Variants in PUDP observed in about 807,000 individuals in gnomAD.
PUDP encodes pseudouridine 5'-phosphatase, also known as pseudouridine-5'-phosphatase.
A neutral mutation model predicts 9.4 loss-of-function variants in PUDP; 8 were observed. That is an observed-to-expected ratio of 0.85 (90% CI 0.50 to 1.53). The LOEUF (loss-of-function observed/expected upper bound fraction) is 1.53, where lower values mean the gene tolerates loss of function less well. Among genes scored for constraint, PUDP ranks in the 40% most tolerant of loss-of-function variants. The probability of loss-of-function intolerance (pLI) is 0.00; values close to 1 mark genes in which losing one functional copy is unlikely to be tolerated. For missense variants in PUDP, 188 were observed against 189.7 expected (o/e 0.99, Z 0.05); for synonymous variants, 99 against 80.7 (o/e 1.23, Z -1.22).
At chrX:6,942,497 T>C (rs1437063485) in intron 3 of PUDP, among the ~76,000 whole-genome samples, 1 of 111,853 alleles carries the variant, frequency 8.9e-6, no homozygotes, top group African/African-American at 3.3e-5. Context: ...CTGCATTTGC[T>C]GCTTCTTAAT....
rs181248130 is a variant in PUDP, at chrX:6,750,193, G to A, written c.*248-43727C>T. Among the ~76,000 whole-genome samples, 19 of 111,810 alleles carry A rather than the reference G, an allele frequency of 1.7e-4. No individual in the cohort carries two copies. The East Asian group carries it at 5.3e-3, about 31-fold the overall frequency. On this transcript the variant is annotated intron_variant and NMD_transcript_variant, in intron 3 of 3. Coordinates refer to the PUDP transcript ENST00000655425. ...CGTTCATGTTCAAAAGGCTGGATCT[G>A]CATTTCAAATATATAAAATCTCACA...
chrX:6,924,567 T>C (rs1928072932), intron 3 of PUDP, among the ~76,000 whole-genome samples: 1 of 112,209 alleles, frequency 8.9e-6, no homozygotes, highest in African/African-American at 3.2e-5. Context: ...CATAGACACC[T>C]TATATGCAGA....
intron 3 of PUDP, among the ~76,000 whole-genome samples, chrX:6,904,989 G>A (rs1927746554): frequency 8.9e-6 from 1 of 112,000 alleles, no homozygotes; most frequent in Non-Finnish European, 1.9e-5. Flanking sequence ...GATCCTCATG[G>A]TCAATGCCTG....
At chrX:6,806,907 A>G (rs893883528) in intron 3 of PUDP, among the ~76,000 whole-genome samples, 33 of 112,468 alleles carry the variant, frequency 2.9e-4, no homozygotes, top group African/African-American at 1.0e-3. Flanking sequence ...CTCAAGAGAG[A>G]TATGAATATA....
chrX:7,094,966 TC>T (rs764732578), intron 2 of PUDP, among the ~76,000 whole-genome samples: 207 of 111,741 alleles, frequency 1.9e-3, no homozygotes, highest in Non-Finnish European at 3.4e-3. Flanking sequence ...CGACTGAGAA[TC>T]AGCTGAGTGC....
intron 3 of PUDP, among the ~76,000 whole-genome samples, chrX:6,735,286 AG>A (rs1246542025): frequency 2.7e-5 from 3 of 111,074 alleles, no homozygotes; most frequent in Admixed American, 9.6e-5. Context: ...TGTTGGGCTG[AG>A]ACCATCTACA....
At chrX:7,134,938 A>T (rs1343590528) in intron 1 of PUDP, among the ~76,000 whole-genome samples, 1 of 112,461 alleles carries the variant, frequency 8.9e-6, no homozygotes, top group Admixed American at 9.5e-5. Flanking sequence ...TCCTTTTAAA[A>T]AGCAAGAGTT....
chrX:6,771,976 A>G (rs997006449), intron 3 of PUDP, among the ~76,000 whole-genome samples: 4 of 112,796 alleles, frequency 3.5e-5, no homozygotes, highest in African/African-American at 9.7e-5. Context: ...ATCCTGCACC[A>G]TTCTGGTGAT....
At chrX:7,074,598 A>G (rs1465531567) in intron 3 of PUDP, among the ~76,000 whole-genome samples, 1 of 112,398 alleles carries the variant, frequency 8.9e-6, no homozygotes, top group Non-Finnish European at 1.9e-5. Flanking sequence ...CTTCTGGGAC[A>G]TGGTTATGGA....
intron 3 of PUDP, among the ~76,000 whole-genome samples, chrX:6,853,733 C>T (rs930860766): frequency 3.4e-4 from 38 of 111,423 alleles, no homozygotes; most frequent in Non-Finnish European, 6.2e-4. Context: ...AATATGTGGT[C>T]TTTTGTGTCT....
At chrX:6,773,540 G>A (rs1437076823) in intron 3 of PUDP, among the ~76,000 whole-genome samples, 7 of 111,412 alleles carry the variant, frequency 6.3e-5, no homozygotes. Flanking sequence ...TTTGGGATGT[G>A]ATTGCACAGC....
chrX:6,816,403 GTACTA>G (rs1435845912), intron 3 of PUDP, among the ~76,000 whole-genome samples: 1 of 102,819 alleles, frequency 9.7e-6, no homozygotes, highest in African/African-American at 3.5e-5. Context: ...TATAGTATAT[GTACTA>G]TACTACACTA....
chrX:6,748,171 A>C (rs1925022477), intron 3 of PUDP, among the ~76,000 whole-genome samples: 3 of 111,626 alleles, frequency 2.7e-5, no homozygotes, highest in Non-Finnish European at 5.6e-5. Context: ...ACCTGGTAGA[A>C]ACTGTGCAAA....
chrX:6,886,606 C>T (rs1313700132), intron 3 of PUDP, among the ~76,000 whole-genome samples: 1 of 111,215 alleles, frequency 9.0e-6, no homozygotes, highest in Non-Finnish European at 1.9e-5. Flanking sequence ...TTCTAGTGTG[C>T]TGAGTTAATA....
chrX:6,920,646 A>G (rs1928007564), intron 3 of PUDP, among the ~76,000 whole-genome samples: 1 of 111,408 alleles, frequency 9.0e-6, no homozygotes, highest in African/African-American at 3.3e-5. Context: ...TGTGACTTGG[A>G]AGCCCCCCTC....
At position 6,709,333 on chromosome X, in the gene PUDP, C is replaced by T. The variant is rs1022327513; in HGVS notation, n.129-2867G>A. Among the ~76,000 whole-genome samples the T allele has an allele frequency of 4.5e-5, 5 of 111,695 alleles. No individual in the cohort carries two copies. In the Admixed American group the frequency reaches 4.8e-4, roughly 11 times the overall value. ...ACACTTCTGTTTAATTCATGATTCTCTTGATAAATCACACACTCTCAGGCC... is the reference window on the plus strand; with the variant it reads ...ACACTTCTGTTTAATTCATGATTCTTTTGATAAATCACACACTCTCAGGCC... On this transcript the variant is annotated intron_variant and non_coding_transcript_variant, in intron 1 of 2. Transcript: ENST00000438499.
intron 3 of PUDP, among the ~76,000 whole-genome samples, chrX:6,866,842 G>A (rs953201528): frequency 1.2e-4 from 13 of 111,624 alleles, no homozygotes; most frequent in African/African-American, 4.2e-4. Flanking sequence ...ACATTATGGT[G>A]GAGAAAAATA....
At chrX:7,082,753 G>A (rs1489893375) in intron 2 of PUDP, among the ~76,000 whole-genome samples, 2 of 112,265 alleles carry the variant, frequency 1.8e-5, no homozygotes, top group Middle Eastern at 4.6e-3. Flanking sequence ...TGCCTGGCCC[G>A]TCACCCCACC....
At chrX:6,991,862 GA>G (rs749680155) in intron 1 of PUDP, among the ~76,000 whole-genome samples, 11 of 109,250 alleles carry the variant, frequency 1.0e-4, no homozygotes, top group African/African-American at 3.0e-4. Context: ...AGAAAAACAG[GA>G]AAAAAAAGAA....
Sources: gnomAD v4.1 joint callset for allele counts (sites outside exome capture counted in the v4.1 genomes callset) on GRCh38, gnomAD v4.1.1 for gene constraint, MANE v1.5 for transcripts, NCBI Gene and HGNC (gene_info 2026-07-23, HGNC 2026-07-21) for gene names.